The following TRHDE variants were observed in gnomAD, a reference collection of about 807,000 sequenced individuals.
The protein encoded by TRHDE is thyrotropin-releasing hormone-degrading ectoenzyme.
Under a neutral mutation model 125.7 loss-of-function variants are expected in TRHDE, and 72 were observed. The ratio of observed to expected loss-of-function variants is 0.57; its 90% CI spans 0.47 to 0.70. TRHDE has a LOEUF of 0.70. TRHDE is among the 30% of genes least tolerant of loss of function. The pLI is 0.00. For synonymous variants in TRHDE, 509 were observed against 509.1 expected (o/e 1.00, Z 0.00); for missense variants, 1,110 against 1,327.1 (o/e 0.84, Z 2.54).
At chr12:72,505,088 A>G (rs943273509) in intron 6 of TRHDE, among the ~76,000 whole-genome samples, 16 of 152,320 alleles carry the variant, frequency 1.1e-4, no homozygotes, top group African/African-American at 3.8e-4. Flanking sequence ...GTTAGGAACC[A>G]ATAGACCAGC....
intron 2 of TRHDE, among the ~76,000 whole-genome samples, chr12:72,298,913 A>G (rs989262949): frequency 6.6e-6 from 1 of 152,180 alleles, no homozygotes; most frequent in Non-Finnish European, 1.5e-5. Context: ...ATAGGCATTA[A>G]GTGACTGTCT....
At chr12:72,205,420 T>C (rs916793303) in intron 2 of TRHDE, among the ~76,000 whole-genome samples, 1 of 152,126 alleles carries the variant, frequency 6.6e-6, no homozygotes, top group African/African-American at 2.4e-5. Flanking sequence ...TGTATAATAT[T>C]GTTAACTATA....
intron 12 of TRHDE, among the ~76,000 whole-genome samples, chr12:72,595,091 C>A (rs1871872728): frequency 8.3e-6 from 1 of 121,090 alleles, no homozygotes; most frequent in Non-Finnish European, 1.6e-5. Flanking sequence ...AGAAGGGGAA[C>A]ATCACACTCT....
At position 72,554,420 on chromosome 12, in the gene TRHDE, C is replaced by G. The variant is rs895458987; in HGVS notation, c.1789-7745C>G. Among the ~76,000 whole-genome samples, 43 of 151,860 alleles carry G rather than the reference C, an allele frequency of 2.8e-4. 1 individual carries two copies. Among genetic ancestry groups the G allele is most frequent in the Admixed American group, 2.8e-3 (43 of 15,246 alleles). On this transcript the variant is annotated intron_variant, in intron 7 of 18. Transcript: ENST00000261180. ...GGTTTAGAGAAAATAGATACTTTAT[C>G]CAAGATCACATGACTGGTAGGAATC...
chr12:72,281,875 TAAG>T (rs1246914448), intron 1 of TRHDE, among the ~76,000 whole-genome samples: 1 of 152,174 alleles, frequency 6.6e-6, no homozygotes, highest in Non-Finnish European at 1.5e-5. Context: ...TCCGCAGAAA[TAAG>T]AAGAAATCAA....
chr12:72,626,612 G>A (rs937448855), intron 15 of TRHDE, among the ~76,000 whole-genome samples: 1 of 151,880 alleles, frequency 6.6e-6, no homozygotes, highest in East Asian at 1.9e-4. Flanking sequence ...TGCCTGTCTT[G>A]GCCTCCTGGC....
At chr12:72,479,908 C>T (rs1306330937) in intron 5 of TRHDE, among the ~76,000 whole-genome samples, 14 of 150,542 alleles carry the variant, frequency 9.3e-5, no homozygotes, top group Admixed American at 1.3e-4. Context: ...TGAGAACATG[C>T]GGTGTTTGGT....
intron 2 of TRHDE, among the ~76,000 whole-genome samples, chr12:72,226,975 C>T (rs1193641413): frequency 6.6e-6 from 1 of 152,134 alleles, no homozygotes; most frequent in African/African-American, 2.4e-5. Context: ...TTAAATAAAG[C>T]ACCCTTAGTT....
Position 72,407,132 on chromosome 12 carries a change from C to T in TRHDE, c.1315+29011C>T, listed in dbSNP as rs1459415499. On this transcript the variant is annotated intron_variant, in intron 3 of 18. Transcript: ENST00000261180. Reference sequence around the variant, plus strand: ...CTGTGGAGAGTTTCTATTCTGTTGCCTTTGGGAGAGAAATGGTCTGTTCTT... The same window carrying T: ...CTGTGGAGAGTTTCTATTCTGTTGCTTTTGGGAGAGAAATGGTCTGTTCTT... Among the ~76,000 whole-genome samples the T allele has an allele frequency of 2.0e-5, 3 of 152,024 alleles. No individual in the cohort carries two copies. The East Asian group carries it at 5.8e-4, about 29-fold the overall frequency.
At chr12:72,088,737 G>A (rs1447557889) in intron 1 of TRHDE, among the ~76,000 whole-genome samples, 1 of 151,844 alleles carries the variant, frequency 6.6e-6, no homozygotes, top group Non-Finnish European at 1.5e-5. Context: ...TCCTCTCCGG[G>A]CTTTTATTAT....
intron 6 of TRHDE, among the ~76,000 whole-genome samples, chr12:72,521,680 A>G (rs904777318): frequency 8.5e-5 from 13 of 152,194 alleles, no homozygotes; most frequent in African/African-American, 3.1e-4. Context: ...AACCAGCTGA[A>G]TATCTGTGTT....
rs777196805 is a variant in TRHDE, at chr12:72,273,602, G to C, written c.914+45G>C. The C allele has an allele frequency of 1.2e-5, 18 of 1,529,862 alleles. No homozygotes were observed. The highest frequency in any genetic ancestry group is 1.5e-5 in the Non-Finnish European group (17 of 1,138,408). The allele number at this position is 1,529,862 out of a possible 1,614,324, so 94.8% of individuals were successfully genotyped here. A position where few individuals can be genotyped will look rare whatever the true frequency, so the allele number is the denominator to read the frequency against. On this transcript the variant is annotated intron_variant, in intron 1 of 18. Transcript: ENST00000261180. This position sits in a 1 kb window ranked among gnomAD's most constrained non-coding sequence, Gnocchi z 5.3. ...CCCGCGCTGCCCCACCCCGGCGCGC[G>C]GCTCGAACCTCTGGGCGGCCTGCGA...
At chr12:72,128,589 G>A (rs1875780306) in intron 2 of TRHDE, among the ~76,000 whole-genome samples, 1 of 152,126 alleles carries the variant, frequency 6.6e-6, no homozygotes, top group South Asian at 2.1e-4. Flanking sequence ...TTTTTTAAAA[G>A]GCTAAGTTGA....
intron 1 of TRHDE, among the ~76,000 whole-genome samples, chr12:72,103,058 C>T (rs962055961): frequency 6.6e-6 from 1 of 152,208 alleles, no homozygotes; most frequent in African/African-American, 2.4e-5. Context: ...CTACTCAATC[C>T]TACTTCCTTC....
At chr12:72,109,539 C>T (rs780955701) in intron 2 of TRHDE, among the ~76,000 whole-genome samples, 27 of 152,106 alleles carry the variant, frequency 1.8e-4, no homozygotes, top group Admixed American at 4.6e-4. Context: ...CTACTGTTTC[C>T]GACTGCTATT....
At chr12:72,554,994 A>G (rs2136002135) in intron 7 of TRHDE, among the ~76,000 whole-genome samples, 1 of 152,320 alleles carries the variant, frequency 6.6e-6, no homozygotes, top group Admixed American at 6.5e-5. Flanking sequence ...ATGTGAGAAG[A>G]TGCCATTGTC....
At chr12:72,222,047 C>T (rs139609028) in intron 2 of TRHDE, among the ~76,000 whole-genome samples, 10 of 152,128 alleles carry the variant, frequency 6.6e-5, no homozygotes, top group Non-Finnish European at 1.5e-4. Flanking sequence ...TTTCTTACAT[C>T]GTGGTCGAAG....
At position 72,668,782 on chromosome 12, in the gene TRHDE, A is replaced by G. The variant is rs564103370; in HGVS notation, c.*5587A>G. 2.6e-5 allele frequency: 4 copies of G among 151,960 alleles called. No homozygotes were observed. The highest frequency in any genetic ancestry group is 9.6e-5 in the African/African-American group (4 of 41,544). The allele number at this position is 151,960 out of a possible 1,614,324, so 9.4% of individuals were successfully genotyped here. A position where few individuals can be genotyped will look rare whatever the true frequency, so the allele number is the denominator to read the frequency against. On this transcript the variant is annotated 3_prime_UTR_variant, in exon 19 of 19. Coordinates refer to ENST00000261180, the MANE Select transcript of TRHDE (RefSeq NM_013381.3). ...GAGTTGTTATCAGTTTACATAATTAATTAGTGGTATTCACTTGGATTCAAA... is the reference window on the plus strand; with the variant it reads ...GAGTTGTTATCAGTTTACATAATTAGTTAGTGGTATTCACTTGGATTCAAA...
chr12:72,563,014 T>G lies in TRHDE; in HGVS notation c.2016T>G (p.Thr672=). The change falls in exon 9 of 19, where the codon ACT becomes ACG. Residue 672 remains threonine, a synonymous_variant. Transcript: ENST00000261180. ...QHFIYDISAK[T]KALKLQNNSY... ...TTATCTATGATATCAGTGCTAAAACTAAAGCACTTAAACTTCAGAATAACA... is the reference window on the plus strand; with the variant it reads ...TTATCTATGATATCAGTGCTAAAACGAAAGCACTTAAACTTCAGAATAACA... 1.9e-6 allele frequency: 3 copies of G among 1,600,584 alleles called. No individual in the cohort carries two copies. Among genetic ancestry groups the G allele is most frequent in the Non-Finnish European group, 2.6e-6 (3 of 1,174,264 alleles).
Sources: allele counts gnomAD v4.1 joint callset (sites outside exome capture counted in the v4.1 genomes callset), GRCh38; gene constraint gnomAD v4.1.1; non-coding constraint Gnocchi (gnomAD v3.1); transcripts MANE v1.5; gene names NCBI Gene and HGNC (gene_info 2026-07-23, HGNC 2026-07-21).